The following PCDHA12 variants were observed in gnomAD, a reference collection of about 807,000 sequenced individuals.
PCDHA12 encodes protocadherin alpha 12, also known as protocadherin alpha-12.
A neutral mutation model predicts 60.0 loss-of-function variants in PCDHA12; 44 were observed. That is an observed-to-expected ratio of 0.73 (90% CI 0.58 to 0.94). The LOEUF (loss-of-function observed/expected upper bound fraction) is 0.94, where lower values mean the gene tolerates loss of function less well. Ranked by LOEUF, PCDHA12 falls within the 40% of genes least tolerant of loss-of-function variation. PCDHA12 has a pLI of 0.00. For missense variants in PCDHA12, 1,276 were observed against 1,239.7 expected, an observed-to-expected ratio of 1.03 and a Z score of -0.44; for synonymous variants, 569 against 553.0, an observed-to-expected ratio of 1.03 and a Z score of -0.40.
At position 140,942,409 on chromosome 5, in the gene PCDHA12, TA is replaced by T. The variant is rs78736997; in HGVS notation, c.2368-36528del. Among the ~76,000 whole-genome samples, 464 of 143,336 alleles carry T rather than the reference TA, an allele frequency of 3.2e-3. 2 individuals are homozygous for T. Among genetic ancestry groups the T allele is most frequent in the African/African-American group, 7.7e-3 (304 of 39,312 alleles). The allele number at this position is 143,336 out of a possible 152,430, so 94.0% of individuals were successfully genotyped here. Reference sequence around the variant, plus strand: ...CCTGGGCGACAGATGAGACTCTGTTTAAAAAAAAAAAAGATATCTAACAATA... The same window carrying T: ...CCTGGGCGACAGATGAGACTCTGTTTAAAAAAAAAAAGATATCTAACAATA... On this transcript the variant is annotated intron_variant, in intron 1 of 3. Transcript: ENST00000398631.
At chr5:140,968,729 A>G (rs1563381706) in intron 1 of PCDHA12, 1 of 1,614,134 alleles carries the variant, frequency 6.2e-7, no homozygotes, top group Non-Finnish European at 8.5e-7. Flanking sequence ...GAGTGGTAGC[A>G]CTTTCAACCT....
In PCDHA12 at chr5:140,910,096, C is replaced by G. The variant is rs1583731198; in HGVS notation, c.2367+32257C>G. On this transcript the variant is annotated intron_variant, in intron 1 of 3. Coordinates refer to ENST00000398631, the MANE Select transcript of PCDHA12 (RefSeq NM_018903.4). ...ATTGTTGTCAAGGGGAACCAGCCTCCCCTTCATTTAAGGGATTCTAGGTCT... is the reference window on the plus strand; with the variant it reads ...ATTGTTGTCAAGGGGAACCAGCCTCGCCTTCATTTAAGGGATTCTAGGTCT... Among the ~76,000 whole-genome samples the G allele has an allele frequency of 2.6e-5, 4 of 152,262 alleles. No individual in the cohort carries two copies. The East Asian group carries it at 7.7e-4, about 29-fold the overall frequency.
intron 1 of PCDHA12, among the ~76,000 whole-genome samples, chr5:140,941,768 T>C (rs576405772): frequency 2.6e-5 from 4 of 152,254 alleles, no homozygotes; most frequent in Non-Finnish European, 5.9e-5. Context: ...TTTAAGATAA[T>C]TGTTTTAATG....
intron 3 of PCDHA12, among the ~76,000 whole-genome samples, chr5:140,984,769 C>T (rs145432187): frequency 1.3e-5 from 2 of 152,194 alleles, no homozygotes; most frequent in African/African-American, 2.4e-5. Context: ...TAATCCCAAG[C>T]TTACTTGCTG....
Position 140,883,273 on chromosome 5 carries a change from C to A in PCDHA12, c.2367+5434C>A, listed in dbSNP as rs370482487. Reference sequence around the variant, plus strand: ...ATATTCCAATGGCGGGTCATTGTACCCTTTTGGTGGAAGTACTAGATGTAA... The same window carrying A: ...ATATTCCAATGGCGGGTCATTGTACACTTTTGGTGGAAGTACTAGATGTAA... On this transcript the variant is annotated intron_variant, in intron 1 of 3. Transcript: ENST00000398631. 10 of 1,613,676 alleles carry A rather than the reference C, an allele frequency of 6.2e-6. No homozygotes were observed. The Middle Eastern group carries it at 6.6e-4, about 106-fold the overall frequency.
intron 1 of PCDHA12, among the ~76,000 whole-genome samples, chr5:140,950,636 T>A (rs528587890): frequency 1.4e-3 from 206 of 152,222 alleles, no homozygotes; most frequent in Non-Finnish European, 2.4e-3. Flanking sequence ...TTTATTTTTA[T>A]CCTGTTTATG....
chr5:140,990,990 A>G (rs1269528161), intron 3 of PCDHA12, among the ~76,000 whole-genome samples: 1 of 152,210 alleles, frequency 6.6e-6, no homozygotes, highest in East Asian at 1.9e-4. Flanking sequence ...GACAATAGCT[A>G]CCATTTATTG....
rs1329010026 is a variant in PCDHA12 at position 140,877,260 on chromosome 5, G to A, written c.1788G>A (p.Ala596=). The part of the protein sequence containing the change: ...GAGHVVAKVR[A]VDADSGYNAW... ...GCCACGTGGTGGCGAAAGTGCGCGC[G>A]GTGGACGCTGACTCCGGCTATAACG... is the stretch of plus-strand genomic sequence containing the variant. Residue 596 remains alanine (A), a synonymous_variant, in exon 1 of 4, where the codon GCG becomes GCA. Transcript: ENST00000398631. The A allele has an allele frequency of 1.9e-6, 3 of 1,613,766 alleles. No individual in the cohort carries two copies. The highest frequency in any genetic ancestry group is 2.7e-5 in the African/African-American group (2 of 75,050).
At chr5:140,935,134 T>G (rs1358918679) in intron 1 of PCDHA12, among the ~76,000 whole-genome samples, 1 of 152,210 alleles carries the variant, frequency 6.6e-6, no homozygotes. Context: ...TAGTGAAAGA[T>G]GATACTTAGA....
At chr5:140,935,291 C>T (rs1221872941) in intron 1 of PCDHA12, among the ~76,000 whole-genome samples, 4 of 152,100 alleles carry the variant, frequency 2.6e-5, no homozygotes, top group East Asian at 1.9e-4. Context: ...TTCAGCACTC[C>T]GAGGTTTTTA....
chr5:140,922,643 C>T (rs1554200906), intron 1 of PCDHA12, among the ~76,000 whole-genome samples: 3 of 152,192 alleles, frequency 2.0e-5, no homozygotes, highest in African/African-American at 7.2e-5. Flanking sequence ...CTCCATCAAA[C>T]AGTAAATATG....
intron 3 of PCDHA12, among the ~76,000 whole-genome samples, chr5:141,000,248 C>T (rs1027764843): frequency 2.6e-5 from 4 of 151,280 alleles, no homozygotes; most frequent in Non-Finnish European, 4.4e-5. Context: ...GTGGCTGACA[C>T]CTGTGATCCT....
At chr5:140,925,969 A>C (rs2082842050) in intron 1 of PCDHA12, among the ~76,000 whole-genome samples, 1 of 152,172 alleles carries the variant, frequency 6.6e-6, no homozygotes, top group African/African-American at 2.4e-5. Context: ...TCACGCAAAA[A>C]AAAAGCCTTG....
rs2096504149 is a variant in PCDHA12 at position 140,971,885 on chromosome 5, T to G, written c.2368-7064T>G. Among the ~76,000 whole-genome samples the G allele has an allele frequency of 2.0e-5, 3 of 152,134 alleles. No individual in the cohort carries two copies. In the South Asian group the frequency reaches 6.2e-4, roughly 31 times the overall value. ...ACATCTAGCATATGAGGAAATAAGC[T>G]CAGGGAGGTTAGGTAATCTACACAG... On this transcript the variant is annotated intron_variant, in intron 1 of 3. Coordinates refer to ENST00000398631, the MANE Select transcript of PCDHA12 (RefSeq NM_018903.4).
At chr5:140,884,341 G>C in intron 1 of PCDHA12, 2 of 1,613,910 alleles carry the variant, frequency 1.2e-6, no homozygotes, top group Non-Finnish European at 1.7e-6. Context: ...GTCCAGAAGC[G>C]GCGCTGGTGG....
At chr5:140,926,554 G>A (rs2083344574) in intron 1 of PCDHA12, 1 of 237,224 alleles carries the variant, frequency 4.2e-6, no homozygotes, top group Non-Finnish European at 8.0e-6. Context: ...CGAGACCCCA[G>A]CCCGCTGCTA....
chr5:140,948,267 A>C (rs964252489), intron 1 of PCDHA12, among the ~76,000 whole-genome samples: 1 of 151,646 alleles, frequency 6.6e-6, no homozygotes, highest in South Asian at 2.1e-4. Context: ...GTGTTCATGT[A>C]GAATATCTGT....
chr5:140,968,927 T>C (rs1554231254), intron 1 of PCDHA12: 3 of 1,614,090 alleles, frequency 1.9e-6, no homozygotes, highest in African/African-American at 1.3e-5. Flanking sequence ...TATATTTCTT[T>C]TGACAATCAT....
Position 140,876,649 on chromosome 5 carries a change from G to A in PCDHA12, c.1177G>A (p.Val393Ile), listed in dbSNP as rs372867848. Reference protein sequence around the residue: ...GQVICSLTPHVPFKLVSTYKN... With the variant: ...GQVICSLTPHIPFKLVSTYKN... ...GGTCATCTGCTCACTGACACCTCAT[G>A]TTCCCTTCAAGCTGGTGTCCACCTA... is the stretch of plus-strand genomic sequence containing the variant. The change falls in exon 1 of 4, where the codon GTT becomes ATT. Residue 393 changes from valine to isoleucine, a missense_variant. Coordinates refer to ENST00000398631, the MANE Select transcript of PCDHA12 (RefSeq NM_018903.4). The A allele has an allele frequency of 3.7e-6, 6 of 1,614,222 alleles. No individual in the cohort carries two copies. Among genetic ancestry groups the A allele is most frequent in the Non-Finnish European group, 5.1e-6 (6 of 1,180,042 alleles).
Sources: allele counts gnomAD v4.1 joint callset (sites outside exome capture counted in the v4.1 genomes callset), GRCh38; gene constraint gnomAD v4.1.1; transcripts MANE v1.5; gene names NCBI Gene and HGNC (gene_info 2026-07-23, HGNC 2026-07-21).